Variants in ABTB3 observed in about 807,000 individuals in gnomAD.
ABTB3 encodes ankyrin repeat and BTB domain containing 3.
chr12:107,630,495 G>A, the ABTB3 span, among the ~76,000 whole-genome samples: 1 of 152,038 alleles, frequency 6.6e-6, no homozygotes. Context: ...TATTTTTAGA[G>A]GTGGGGTTTT....
the ABTB3 span, among the ~76,000 whole-genome samples, chr12:107,452,328 G>A: frequency 6.0e-5 from 9 of 150,600 alleles, no homozygotes; most frequent in East Asian, 2.0e-4. Context: ...CTGCCTCAGC[G>A]TCCTGAGTAG....
At chr12:107,359,866 C>G in the ABTB3 span, among the ~76,000 whole-genome samples, 1 of 152,280 alleles carries the variant, frequency 6.6e-6, no homozygotes, top group South Asian at 2.1e-4. Flanking sequence ...CTCCTTTCAT[C>G]GTCAGCTGCC....
chr12:107,535,306 C>T, the ABTB3 span, among the ~76,000 whole-genome samples: 91 of 152,202 alleles, frequency 6.0e-4, no homozygotes, highest in African/African-American at 2.0e-3. Context: ...ATATATGACA[C>T]ACCCACAGCT....
the ABTB3 span, among the ~76,000 whole-genome samples, chr12:107,398,077 G>A: frequency 1.3e-5 from 2 of 152,104 alleles, no homozygotes; most frequent in African/African-American, 4.8e-5. Context: ...CCTCTGCTCT[G>A]TTTTGTTGCT....
the ABTB3 span, among the ~76,000 whole-genome samples, chr12:107,513,780 G>A: frequency 6.6e-6 from 1 of 152,292 alleles, no homozygotes; most frequent in South Asian, 2.1e-4. Flanking sequence ...AGAAAAGTAG[G>A]CACATTGGGA....
chr12:107,366,027 A>G, the ABTB3 span, among the ~76,000 whole-genome samples: 1 of 152,256 alleles, frequency 6.6e-6, no homozygotes, highest in Non-Finnish European at 1.5e-5. Flanking sequence ...CATCCCTGAT[A>G]GCATCACTGC....
At chr12:107,655,575 C>T in the ABTB3 span, among the ~76,000 whole-genome samples, 1 of 152,204 alleles carries the variant, frequency 6.6e-6, no homozygotes, top group African/African-American at 2.4e-5. Flanking sequence ...ACAACACTTG[C>T]GTTTGTAACT....
chr12:107,611,715 A>T, the ABTB3 span, among the ~76,000 whole-genome samples: 1 of 152,186 alleles, frequency 6.6e-6, no homozygotes, highest in Admixed American at 6.5e-5. Flanking sequence ...CTCAATCTTA[A>T]ATTACTTTCC....
At chr12:107,515,917 A>G in the ABTB3 span, among the ~76,000 whole-genome samples, 5 of 150,978 alleles carry the variant, frequency 3.3e-5, no homozygotes, top group Middle Eastern at 3.2e-3. Context: ...AGCATTTTTT[A>G]TTACTAAGAT....
chr12:107,570,232 CAA>C, the ABTB3 span, among the ~76,000 whole-genome samples: 2 of 140,412 alleles, frequency 1.4e-5, no homozygotes, highest in Non-Finnish European at 3.2e-5. Flanking sequence ...TTTTTTTTCC[CAA>C]GACAGAGTCT....
the ABTB3 span, among the ~76,000 whole-genome samples, chr12:107,477,406 G>T: frequency 6.6e-6 from 1 of 152,142 alleles, no homozygotes; most frequent in African/African-American, 2.4e-5. Context: ...AGGCATTGGC[G>T]CTAAGACTTG....
the ABTB3 span, among the ~76,000 whole-genome samples, chr12:107,598,133 T>C: frequency 6.6e-6 from 1 of 152,236 alleles, no homozygotes; most frequent in East Asian, 1.9e-4. Context: ...GAGCTTCCTT[T>C]TAAGCAAATG....
the ABTB3 span, among the ~76,000 whole-genome samples, chr12:107,592,369 A>C: frequency 1.3e-5 from 2 of 152,238 alleles, no homozygotes; most frequent in African/African-American, 4.8e-5. Context: ...TTGAAAAGAC[A>C]TAATTGTACT....
the ABTB3 span, among the ~76,000 whole-genome samples, chr12:107,552,430 A>G: frequency 6.6e-6 from 1 of 152,262 alleles, no homozygotes; most frequent in African/African-American, 2.4e-5. Flanking sequence ...AGCGATAAGC[A>G]CTATGACTAT....
chr12:107,319,380 C>G, the ABTB3 span: 1 of 1,581,180 alleles, frequency 6.3e-7, no homozygotes, highest in Non-Finnish European at 8.6e-7. Flanking sequence ...GCCAAAGAGG[C>G]GCAGCGCCTG....
the ABTB3 span, among the ~76,000 whole-genome samples, chr12:107,441,482 A>G: frequency 6.6e-6 from 1 of 152,122 alleles, no homozygotes; most frequent in African/African-American, 2.4e-5. Flanking sequence ...TGGGGAGGAG[A>G]GCATCAGGAA....
the ABTB3 span, among the ~76,000 whole-genome samples, chr12:107,457,818 T>C: frequency 1.3e-5 from 2 of 152,172 alleles, no homozygotes; most frequent in Non-Finnish European, 2.9e-5. Context: ...GGCGCAAATG[T>C]TCACGCTGCA....
At chr12:107,434,880 AAC>A in the ABTB3 span, among the ~76,000 whole-genome samples, 1 of 151,538 alleles carries the variant, frequency 6.6e-6, no homozygotes, top group Admixed American at 6.6e-5. Context: ...AAAAAAAAAA[AAC>A]AACAACAACA....
chr12:107,360,703 C>A, the ABTB3 span, among the ~76,000 whole-genome samples: 1 of 152,122 alleles, frequency 6.6e-6, no homozygotes. Flanking sequence ...AGGCAACAAG[C>A]GAAGGTTGTG....
Sources: gnomAD v4.1 joint callset for allele counts (sites outside exome capture counted in the v4.1 genomes callset) on GRCh38, gnomAD v4.1.1 for gene constraint, MANE v1.5 for transcripts, NCBI Gene and HGNC (gene_info 2026-07-23, HGNC 2026-07-21) for gene names.